Variants in SRSF4 observed in about 807,000 individuals in gnomAD.
The protein encoded by SRSF4 is serine and arginine rich splicing factor 4, also known as serine/arginine-rich splicing factor 4.
In SRSF4, 12 loss-of-function variants were observed where a neutral mutation model predicts 48.8. That is an observed-to-expected ratio of 0.25 (90% CI 0.16 to 0.40). The LOEUF is 0.40. Ranked by LOEUF, SRSF4 falls within the 10% of genes least tolerant of loss-of-function variation. SRSF4 has a pLI of 1.00. For missense variants in SRSF4, 466 were observed against 667.1 expected (o/e 0.70, Z 3.32); for synonymous variants, 248 against 232.5 (o/e 1.07, Z -0.61).
chr1:29,163,799 T>A (rs752133404), intron 1 of SRSF4, among the ~76,000 whole-genome samples: 1 of 152,222 alleles, frequency 6.6e-6, no homozygotes, highest in African/African-American at 2.4e-5. Context: ...AACCTGTGGT[T>A]TGACACCAGG....
rs1672964542 is a variant in SRSF4 at position 29,181,778 on chromosome 1, C to G, written c.-26G>C. 3 of 1,549,190 alleles carry G rather than the reference C, an allele frequency of 1.9e-6. No individual in the cohort carries two copies. The highest frequency in any genetic ancestry group is 1.4e-5 in the African/African-American group (1 of 70,632). On this transcript the variant is annotated 5_prime_UTR_variant, in exon 1 of 6. Coordinates refer to ENST00000373795, the MANE Select transcript of SRSF4 (RefSeq NM_005626.5). ...CCCGGCAACGGCAGTGATGGCTGGC[C>G]CCGGCCCCAGCCCCCCTTAGGCGGC...
At chr1:29,166,009 T>G (rs1045285921) in intron 1 of SRSF4, 4 of 152,366 alleles carry the variant, frequency 2.6e-5, no homozygotes, top group Non-Finnish European at 5.9e-5. Context: ...CCACATTCAC[T>G]CATTTTCCTT....
chr1:29,165,647 G>C (rs941388898), intron 1 of SRSF4, among the ~76,000 whole-genome samples: 1 of 152,166 alleles, frequency 6.6e-6, no homozygotes, highest in Non-Finnish European at 1.5e-5. Context: ...ACTAAGTCCT[G>C]TCTGCAATCT....
At chr1:29,180,212 CA>C (rs916529174) in intron 1 of SRSF4, among the ~76,000 whole-genome samples, 4 of 151,960 alleles carry the variant, frequency 2.6e-5, no homozygotes, top group Non-Finnish European at 5.9e-5. Flanking sequence ...ACTTTGTCCA[CA>C]AAAGTTAGTT....
intron 2 of SRSF4, 99 bp downstream of exon 2, chr1:29,160,276 A>G (rs1212527644): frequency 2.3e-6 from 3 of 1,326,354 alleles, no homozygotes; most frequent in African/African-American, 1.5e-5. Flanking sequence ...AATAGCTTAA[A>G]CATCAATACG....
intron 1 of SRSF4, among the ~76,000 whole-genome samples, chr1:29,164,776 C>A (rs984680555): frequency 3.3e-5 from 5 of 152,148 alleles, no homozygotes; most frequent in Non-Finnish European, 7.3e-5. Flanking sequence ...TTTCAATCTT[C>A]CTCCCCTATG....
At chr1:29,154,535 T>C in intron 4 of SRSF4, 161 bp downstream of exon 4, 1 of 696,514 alleles carries the variant, frequency 1.4e-6, no homozygotes, top group Non-Finnish European at 2.3e-6. Context: ...GACCTAAGAG[T>C]TCAAGAGTTT....
At chr1:29,158,048 T>C (rs1672528078) in intron 3 of SRSF4, among the ~76,000 whole-genome samples, 1 of 152,078 alleles carries the variant, frequency 6.6e-6, no homozygotes. Flanking sequence ...GGCATGCACT[T>C]GTAATCCCAG....
At chr1:29,174,525 TAGG>T (rs1349456432) in intron 1 of SRSF4, among the ~76,000 whole-genome samples, 2 of 151,966 alleles carry the variant, frequency 1.3e-5, no homozygotes, top group East Asian at 1.9e-4. Context: ...AACCAGGTTG[TAGG>T]AGAATACTTA....
chr1:29,160,301 C>A, intron 2 of SRSF4, 74 bp downstream of exon 2: 3 of 1,457,230 alleles, frequency 2.1e-6, no homozygotes, highest in African/African-American at 1.4e-5. Flanking sequence ...AATGTAATAT[C>A]AATTAATTAC....
At chr1:29,152,154 A>G (rs1672420550) in intron 4 of SRSF4, among the ~76,000 whole-genome samples, 1 of 152,194 alleles carries the variant, frequency 6.6e-6, no homozygotes, top group East Asian at 1.9e-4. Flanking sequence ...CAACCTAGAT[A>G]TTACATCATA....
chr1:29,176,109 G>A (rs1029093768), intron 1 of SRSF4, among the ~76,000 whole-genome samples: 5 of 151,894 alleles, frequency 3.3e-5, no homozygotes, highest in East Asian at 1.9e-4. Flanking sequence ...AAAATTAGCC[G>A]GGCGTGGTGG....
chr1:29,153,600 ATTTT>A (rs113402257), intron 4 of SRSF4, among the ~76,000 whole-genome samples: 1 of 133,054 alleles, frequency 7.5e-6, no homozygotes, highest in Admixed American at 7.6e-5. Context: ...TCTGATTTCC[ATTTT>A]TTTTTTTTTT....
chr1:29,166,817 G>C (rs1672676045), intron 1 of SRSF4: 1 of 152,262 alleles, frequency 6.6e-6, no homozygotes, highest in Non-Finnish European at 1.5e-5. Flanking sequence ...CAAACTGGCA[G>C]TTCCCGCACA....
At position 29,159,669 on chromosome 1, in the gene SRSF4, T is replaced by C. The variant is rs1470409274; in HGVS notation, c.251-183A>G. On this transcript the variant is annotated intron_variant, in intron 2 of 5. Transcript: ENST00000373795. ...AGAAGCAATCAGCTAAATATAAACA[T>C]TTAATTTAAAAAGTTGTAAGTATAC... 7 of 450,752 alleles carry C rather than the reference T, an allele frequency of 1.6e-5. No homozygotes were observed. In the East Asian group the frequency reaches 2.4e-4, roughly 15 times the overall value. The allele number at this position is 450,752 out of a possible 1,614,324, so 27.9% of individuals were successfully genotyped here.
chr1:29,148,989 G>C lies in SRSF4; in HGVS notation c.906C>G (p.Ser302Arg). The change falls in exon 6 of 6, where the codon AGC becomes AGG. Residue 302 changes from serine to arginine, a missense_variant. Ser to Arg is a moderately radical substitution (Grantham distance 110). Coordinates refer to ENST00000373795, the MANE Select transcript of SRSF4 (RefSeq NM_005626.5). Reference protein sequence around the residue: ...SRHKSKSKSRSRSQERRVEEE... With the variant: ...SRHKSKSKSRRRSQERRVEEE... ...CCTCCACTCTCCTCTCCTGACTCCT[G>C]CTCCGACTTTTGCTCTTACTTTTAT... 6.2e-7 allele frequency: 1 copy of C among 1,612,806 alleles called. No individual in the cohort carries two copies. The highest frequency in any genetic ancestry group is 8.5e-7 in the Non-Finnish European group (1 of 1,179,802).
In SRSF4 at chr1:29,149,238, T is replaced by G; in HGVS notation, c.669-12A>C. 1 of 1,602,792 alleles carries G rather than the reference T, an allele frequency of 6.2e-7. No individual in the cohort carries two copies. The highest frequency in any genetic ancestry group is 1.1e-5 in the South Asian group (1 of 90,942). ...AGCGGGAGCCCGACCTGAGGAGACATGGGATACTGTTTGTGTCACATGTGA... is the reference window on the plus strand; with the variant it reads ...AGCGGGAGCCCGACCTGAGGAGACAGGGGATACTGTTTGTGTCACATGTGA... On this transcript the variant is annotated splice_polypyrimidine_tract_variant and intron_variant, in intron 5 of 5. Coordinates refer to ENST00000373795, the MANE Select transcript of SRSF4 (RefSeq NM_005626.5).
At chr1:29,162,317 A>G (rs1672611315) in intron 1 of SRSF4, among the ~76,000 whole-genome samples, 1 of 152,238 alleles carries the variant, frequency 6.6e-6, no homozygotes. Flanking sequence ...TCCCTGACTT[A>G]CTATGTTCAA....
intron 1 of SRSF4, among the ~76,000 whole-genome samples, chr1:29,179,513 C>A (rs987397347): frequency 6.6e-6 from 1 of 152,078 alleles, no homozygotes; most frequent in Non-Finnish European, 1.5e-5. Context: ...GCGAGTGTCA[C>A]CACGCGTGGC....
Sources: gnomAD v4.1 joint callset for allele counts (sites outside exome capture counted in the v4.1 genomes callset) on GRCh38, gnomAD v4.1.1 for gene constraint, MANE v1.5 for transcripts, NCBI Gene and HGNC (gene_info 2026-07-23, HGNC 2026-07-21) for gene names.